Variants in CTTNBP2 observed in about 807,000 individuals in gnomAD.
The protein encoded by CTTNBP2 is cortactin binding protein 2.
A neutral mutation model predicts 156.9 loss-of-function variants in CTTNBP2; 108 were observed. The observed-to-expected ratio is 0.69, with a 90% CI of 0.59 to 0.81. The LOEUF is 0.81. Among genes scored for constraint, CTTNBP2 ranks in the 30% least tolerant of loss-of-function variants. The pLI is 0.00. For missense variants in CTTNBP2, 1,924 were observed against 2,035.4 expected (o/e 0.95, Z 1.05); for synonymous variants, 767 against 751.8 (o/e 1.02, Z -0.33).
intron 12 of CTTNBP2, among the ~76,000 whole-genome samples, chr7:117,747,397 G>C (rs911553883): frequency 6.6e-6 from 1 of 152,216 alleles, no homozygotes; most frequent in African/African-American, 2.4e-5. Context: ...GAGGCAGATT[G>C]TGGGATATAA....
intron 22 of CTTNBP2, among the ~76,000 whole-genome samples, chr7:117,715,309 A>AAGAT (rs1234232942): frequency 1.3e-5 from 2 of 152,062 alleles, no homozygotes; most frequent in African/African-American, 4.8e-5. Flanking sequence ...AATCCCTCTA[A>AAGAT]AGATATATTT....
chr7:117,792,923 T>C lies in CTTNBP2; in HGVS notation c.415-142A>G. 1 of 542,252 alleles carries C rather than the reference T, an allele frequency of 1.8e-6. No individual in the cohort carries two copies. The highest frequency in any genetic ancestry group is 3.0e-6 in the Non-Finnish European group (1 of 330,576). The allele number at this position is 542,252 out of a possible 1,614,324, so 33.6% of individuals were successfully genotyped here. On this transcript the variant is annotated intron_variant, in intron 3 of 22. Coordinates refer to ENST00000160373, the MANE Select transcript of CTTNBP2 (RefSeq NM_033427.3). The surrounding 1 kb of genome is among the most constrained non-coding windows in gnomAD (Gnocchi z 4.2). ...AAAACGCCACATTTTCAAAAAGTGT[T>C]GTGATAAGAAATATTTTAAAGACAC...
chr7:117,844,912 G>C (rs1015134944), intron 2 of CTTNBP2, among the ~76,000 whole-genome samples: 16 of 152,140 alleles, frequency 1.1e-4, no homozygotes, highest in African/African-American at 3.6e-4. Flanking sequence ...AAAGCAAGAA[G>C]GTACTGAAGG....
intron 21 of CTTNBP2, among the ~76,000 whole-genome samples, 177 bp from the exon 22 acceptor site, chr7:117,718,296 A>G (rs1461600381): frequency 6.6e-6 from 1 of 152,194 alleles, no homozygotes; most frequent in Non-Finnish European, 1.5e-5. Flanking sequence ...TAAAACTGAC[A>G]GCAAATGCAT....
intron 14 of CTTNBP2, among the ~76,000 whole-genome samples, chr7:117,742,207 A>G (rs10249988): frequency 0.41 from 62,423 of 152,096 alleles, 15,578 homozygotes; most frequent in African/African-American, 0.7. Flanking sequence ...TCACTAGTCT[A>G]TAACAGACTA....
chr7:117,811,893 AAATTTTAATTAAATTAAAATTTT>A (rs1800314034), intron 2 of CTTNBP2, among the ~76,000 whole-genome samples: 1 of 145,300 alleles, frequency 6.9e-6, no homozygotes, highest in East Asian at 2.0e-4. Flanking sequence ...TTTAATGTAA[AAATTTTAATTAAATTAAAATTTT>A]AATGTAAAAA....
intron 10 of CTTNBP2, 119 bp downstream of exon 10, chr7:117,760,316 G>T: frequency 2.1e-6 from 2 of 963,916 alleles, no homozygotes; most frequent in Non-Finnish European, 3.1e-6. Context: ...AGCACCGGCA[G>T]CTGCCACAAG....
intron 8 of CTTNBP2, among the ~76,000 whole-genome samples, chr7:117,770,773 C>A (rs187676192): frequency 5.1e-4 from 77 of 152,176 alleles, no homozygotes; most frequent in Non-Finnish European, 9.9e-4. Flanking sequence ...AGAGAAGTAT[C>A]CACACTCTCT....
At chr7:117,847,971 G>T (rs748080415) in intron 2 of CTTNBP2, among the ~76,000 whole-genome samples, 1 of 151,522 alleles carries the variant, frequency 6.6e-6, no homozygotes, top group Non-Finnish European at 1.5e-5. Flanking sequence ...AGCATGTGCT[G>T]CCACGCCCAG....
At chr7:117,837,522 G>C (rs1049239411) in intron 2 of CTTNBP2, among the ~76,000 whole-genome samples, 3 of 151,988 alleles carry the variant, frequency 2.0e-5, no homozygotes. Context: ...AAAATGCTTG[G>C]ACCCAGAATT....
intron 1 of CTTNBP2, 36 bp from the exon 2 acceptor site, chr7:117,861,352 T>C: frequency 6.9e-7 from 1 of 1,453,276 alleles, no homozygotes; most frequent in Non-Finnish European, 9.5e-7. Context: ...ATGAAAAATC[T>C]TTTCCTAAGG....
chr7:117,842,121 T>C (rs1407799478), intron 2 of CTTNBP2, among the ~76,000 whole-genome samples: 2 of 152,154 alleles, frequency 1.3e-5, no homozygotes, highest in Admixed American at 6.5e-5. Flanking sequence ...AGGTTAATAA[T>C]AGAGGAAACT....
At chr7:117,805,663 A>G (rs1395184486) in intron 3 of CTTNBP2, among the ~76,000 whole-genome samples, 30 of 152,190 alleles carry the variant, frequency 2.0e-4, no homozygotes, top group Admixed American at 2.0e-3. Context: ...TATCACCATC[A>G]AGAGTCGTTG....
At chr7:117,864,014 T>C (rs1803943900) in intron 1 of CTTNBP2, among the ~76,000 whole-genome samples, 1 of 152,156 alleles carries the variant, frequency 6.6e-6, no homozygotes, top group Non-Finnish European at 1.5e-5. Context: ...GTCTTGTTTC[T>C]CCAAAGCTTT....
chr7:117,714,576 T>C (rs1208688141), intron 22 of CTTNBP2, among the ~76,000 whole-genome samples: 1 of 152,138 alleles, frequency 6.6e-6, no homozygotes, highest in Non-Finnish European at 1.5e-5. Context: ...AGTCTGTTTC[T>C]GTACCTGCAA....
chr7:117,842,986 G>A (rs1436152239), intron 2 of CTTNBP2, among the ~76,000 whole-genome samples: 2 of 152,190 alleles, frequency 1.3e-5, no homozygotes, highest in Admixed American at 6.5e-5. Context: ...TCAGCCCTCT[G>A]TATTCATGGG....
At chr7:117,763,412 G>A (rs748006588) in intron 9 of CTTNBP2, among the ~76,000 whole-genome samples, 15 of 152,124 alleles carry the variant, frequency 9.9e-5, no homozygotes, top group Middle Eastern at 3.4e-3. Flanking sequence ...CCCTGTTAGC[G>A]GTAACTTCTA....
chr7:117,825,993 T>A (rs145821715), intron 2 of CTTNBP2, among the ~76,000 whole-genome samples: 2 of 152,292 alleles, frequency 1.3e-5, no homozygotes, highest in African/African-American at 4.8e-5. Context: ...CTGCAGTTTA[T>A]CAGGTATCTA....
chr7:117,735,086 C>A lies in CTTNBP2; in HGVS notation c.3703G>T (p.Glu1235Ter). ...CTFQKGNGLS[E>*]CYYFHENCFL... Reference sequence around the variant, plus strand: ...CAGTTCTCATGAAAGTAATAACATTCGGACAGTCCATTTCCTGAAACAAAC... The same window carrying A: ...CAGTTCTCATGAAAGTAATAACATTAGGACAGTCCATTTCCTGAAACAAAC... Residue 1235 changes from glutamate (E) to a stop codon, truncating the protein, a stop_gained, in exon 16 of 23, where the codon GAA becomes TAA. Transcript: ENST00000160373. LOFTEE classifies it high-confidence loss of function. The A allele has an allele frequency of 6.2e-7, 1 of 1,612,972 alleles. No individual in the cohort carries two copies. The highest frequency in any genetic ancestry group is 8.5e-7 in the Non-Finnish European group (1 of 1,179,228).
Sources: gnomAD v4.1 joint callset for allele counts (sites outside exome capture counted in the v4.1 genomes callset) on GRCh38, gnomAD v4.1.1 for gene constraint, Gnocchi (gnomAD v3.1) non-coding constraint, MANE v1.5 for transcripts, NCBI Gene and HGNC (gene_info 2026-07-23, HGNC 2026-07-21) for gene names.